The following LYZL4 variants were observed in gnomAD, a reference collection of about 807,000 sequenced individuals.
The protein encoded by LYZL4 is lysozyme-like protein 4.
LYZL4 carries 13 observed loss-of-function variants against 17.6 expected under a neutral mutation model. The ratio of observed to expected loss-of-function variants is 0.74; its 90% CI spans 0.48 to 1.18. LYZL4 has a LOEUF of 1.18. LYZL4 is among the 50% of genes most tolerant of loss of function. The probability of loss-of-function intolerance (pLI) is 0.00; values close to 1 mark genes in which losing one functional copy is unlikely to be tolerated. For synonymous variants in LYZL4, 64 were observed against 67.7 expected, an observed-to-expected ratio of 0.95 and a Z score of 0.27; for missense variants, 174 against 188.2, an observed-to-expected ratio of 0.92 and a Z score of 0.44.
At chr3:42,394,034 C>A (rs573329217), downstream of LYZL4, among the ~76,000 whole-genome samples, 14 of 152,288 alleles carry the variant, frequency 9.2e-5, no homozygotes, top group South Asian at 6.2e-4. Context: ...CCCAGGTGAT[C>A]CGCTCACCTC....
chr3:42,366,509 G>C, the LYZL4 span, among the ~76,000 whole-genome samples: 50 of 152,320 alleles, frequency 3.3e-4, no homozygotes, highest in African/African-American at 1.1e-3. Flanking sequence ...CACTGCCTGG[G>C]ATCCTGCTTC....
At chr3:42,364,293 T>C in the LYZL4 span, among the ~76,000 whole-genome samples, 1 of 152,156 alleles carries the variant, frequency 6.6e-6, no homozygotes, top group Admixed American at 6.5e-5. Context: ...ATTGCAATTA[T>C]CTGGCCCCTT....
chr3:42,369,675 G>C, the LYZL4 span, among the ~76,000 whole-genome samples: 7 of 152,240 alleles, frequency 4.6e-5, no homozygotes, highest in South Asian at 2.1e-4. Context: ...AACTTTGGGA[G>C]CTTTGCTCCC....
the LYZL4 span, among the ~76,000 whole-genome samples, chr3:42,381,700 T>G: frequency 6.6e-6 from 1 of 152,206 alleles, no homozygotes; most frequent in Non-Finnish European, 1.5e-5. Flanking sequence ...GGTAAGCAAT[T>G]TCCTGGCTTC....
intron 1 of LYZL4, among the ~76,000 whole-genome samples, chr3:42,409,562 G>A (rs1044040535): frequency 2.0e-5 from 3 of 152,094 alleles, no homozygotes; most frequent in African/African-American, 4.8e-5. Flanking sequence ...AGTTCATCAG[G>A]TTCATCAGGG....
At chr3:42,390,743 C>T in the LYZL4 span, among the ~76,000 whole-genome samples, 2 of 152,166 alleles carry the variant, frequency 1.3e-5, no homozygotes, top group Non-Finnish European at 2.9e-5. Flanking sequence ...AGGTTAATTG[C>T]AAGTGGTGGA....
At chr3:42,365,116 G>A in the LYZL4 span, among the ~76,000 whole-genome samples, 1 of 152,196 alleles carries the variant, frequency 6.6e-6, no homozygotes, top group Non-Finnish European at 1.5e-5. Context: ...CAGATGCAAT[G>A]TCAGGTCCTT....
At chr3:42,390,352 A>G in the LYZL4 span, among the ~76,000 whole-genome samples, 1 of 152,198 alleles carries the variant, frequency 6.6e-6, no homozygotes, top group Non-Finnish European at 1.5e-5. Flanking sequence ...TGGTGAACAA[A>G]CGAAGTGGCT....
At chr3:42,365,022 CT>C in the LYZL4 span, among the ~76,000 whole-genome samples, 6 of 152,162 alleles carry the variant, frequency 3.9e-5, no homozygotes, top group Non-Finnish European at 5.9e-5. Context: ...GCAGCATACT[CT>C]AGCCAAACTA....
chr3:42,400,920 G>A (rs1197439863), intron 4 of LYZL4, among the ~76,000 whole-genome samples: 2 of 152,098 alleles, frequency 1.3e-5, no homozygotes, highest in Non-Finnish European at 2.9e-5. Flanking sequence ...GCACTCCATT[G>A]GTTCAGCATA....
intron 4 of LYZL4, among the ~76,000 whole-genome samples, chr3:42,400,915 C>T (rs1395548874): frequency 6.6e-6 from 1 of 152,116 alleles, no homozygotes; most frequent in Non-Finnish European, 1.5e-5. Context: ...TTCATGCACT[C>T]CATTGGTTCA....
At chr3:42,371,719 A>C in the LYZL4 span, among the ~76,000 whole-genome samples, 3 of 152,210 alleles carry the variant, frequency 2.0e-5, no homozygotes. Context: ...GGCTCAGTAC[A>C]TATAATCCAT....
chr3:42,397,643 CG>C (rs1326045320), intron 4 of LYZL4, among the ~76,000 whole-genome samples: 2 of 151,998 alleles, frequency 1.3e-5, no homozygotes, highest in African/African-American at 4.8e-5. Context: ...AACCCTGCAA[CG>C]GAGGTATCAT....
chr3:42,365,067 G>A, the LYZL4 span, among the ~76,000 whole-genome samples: 2 of 152,290 alleles, frequency 1.3e-5, no homozygotes, highest in African/African-American at 4.8e-5. Flanking sequence ...TCATACAAAA[G>A]GGGATTGTGC....
At position 42,407,160 on chromosome 3, in the gene LYZL4, A is replaced by T; in HGVS notation, c.92T>A (p.Leu31His). 1 of 1,614,142 alleles carries T rather than the reference A, an allele frequency of 6.2e-7. No homozygotes were observed. The highest frequency in any genetic ancestry group is 1.3e-5 in the African/African-American group (1 of 75,038). The change falls in exon 2 of 5, where the codon CTC (leucine) becomes CAC (histidine). Residue 31 changes from leucine (L) to histidine (H), a missense_variant. Physicochemically the swap from Leu to His is moderately conservative, Grantham distance 99 (BLOSUM62 -3). Coordinates refer to ENST00000287748, the MANE Select transcript of LYZL4 (RefSeq NM_144634.4). Reference protein sequence around the residue: ...ILGRCTVAKKLHDGGLDYFEG... With the variant: ...ILGRCTVAKKHHDGGLDYFEG... Reference sequence around the variant, plus strand: ...AAAATAATCCAGGCCTCCATCGTGGAGTTTCTTAGCCACTGTGCAACGCCC... The same window carrying T: ...AAAATAATCCAGGCCTCCATCGTGGTGTTTCTTAGCCACTGTGCAACGCCC...
At chr3:42,393,364 C>CAA (rs1356391943), downstream of LYZL4, among the ~76,000 whole-genome samples, 8 of 151,506 alleles carry the variant, frequency 5.3e-5, no homozygotes, top group South Asian at 4.2e-4. Flanking sequence ...CACACACACA[C>CAA]AACCAGGCCC....
the LYZL4 span, among the ~76,000 whole-genome samples, chr3:42,372,053 A>G: frequency 6.6e-6 from 1 of 152,182 alleles, no homozygotes; most frequent in Non-Finnish European, 1.5e-5. Flanking sequence ...TCTCAGCACA[A>G]TTGGTTCCTG....
downstream of LYZL4, among the ~76,000 whole-genome samples, chr3:42,392,592 G>C (rs1698494411): frequency 6.6e-6 from 1 of 152,158 alleles, no homozygotes; most frequent in Non-Finnish European, 1.5e-5. Context: ...ACCAGGATTG[G>C]GCAGCCAGGT....
chr3:42,402,731 T>C (rs1353434775), intron 4 of LYZL4, among the ~76,000 whole-genome samples: 2 of 152,256 alleles, frequency 1.3e-5, no homozygotes, highest in African/African-American at 4.8e-5. Flanking sequence ...TCTGAAAATA[T>C]GCTTATCCTA....
Sources: gnomAD v4.1 joint callset for allele counts (sites outside exome capture counted in the v4.1 genomes callset) on GRCh38, gnomAD v4.1.1 for gene constraint, MANE v1.5 for transcripts, NCBI Gene and HGNC (gene_info 2026-07-23, HGNC 2026-07-21) for gene names.